The following DDX39A variants were observed in gnomAD, a reference collection of about 807,000 sequenced individuals.
DDX39A encodes the protein DExD-box helicase 39A.
Under a neutral mutation model 46.3 loss-of-function variants are expected in DDX39A, and 13 were observed. The ratio of observed to expected loss-of-function variants is 0.28; its 90% CI spans 0.18 to 0.45. The LOEUF (loss-of-function observed/expected upper bound fraction) is 0.45, where lower values mean the gene tolerates loss of function less well. DDX39A is among the 20% of genes least tolerant of loss of function. The probability of loss-of-function intolerance (pLI) is 1.00; values close to 1 mark genes in which losing one functional copy is unlikely to be tolerated. For missense variants in DDX39A, 352 were observed against 581.8 expected (o/e 0.61, Z 4.06); for synonymous variants, 234 against 224.6 (o/e 1.04, Z -0.38).
In DDX39A at chr19:14,410,362, G is replaced by A; in HGVS notation, c.614-28C>T. ...AGGTGGGGAGGGCAAGACATGGGTGGGCATGAGCGTCTGCCATGCAGGACC... is the reference window on the plus strand; with the variant it reads ...AGGTGGGGAGGGCAAGACATGGGTGAGCATGAGCGTCTGCCATGCAGGACC... On this transcript the variant is annotated intron_variant, in intron 5 of 10. Coordinates refer to ENST00000242776, the MANE Select transcript of DDX39A (RefSeq NM_005804.4). The surrounding 1 kb of genome is among the most constrained non-coding windows in gnomAD (Gnocchi z 4.3). 9 of 1,595,714 alleles carry A rather than the reference G, an allele frequency of 5.6e-6. No homozygotes were observed. The highest frequency in any genetic ancestry group is 7.7e-6 in the Non-Finnish European group (9 of 1,163,762).
intron 1 of DDX39A, chr19:14,419,051 G>A (rs1439983694): frequency 4.4e-6 from 2 of 451,100 alleles, no homozygotes; most frequent in South Asian, 3.1e-5. Flanking sequence ...CGGGCCCCGA[G>A]CCCCGAGCAC....
chr19:14,411,494 C>T lies in DDX39A; in HGVS notation c.429+12G>A, dbSNP rs766065577. On this transcript the variant is annotated intron_variant, in intron 4 of 10. Transcript: ENST00000242776. The surrounding 1 kb of genome is among the most constrained non-coding windows in gnomAD (Gnocchi z 4.1). Reference sequence around the variant, plus strand: ...AAGTGGCGCCTGGTCCAGTCTGGCCCGAGGGACTCACCTTGACGCTGGGCA... The same window carrying T: ...AAGTGGCGCCTGGTCCAGTCTGGCCTGAGGGACTCACCTTGACGCTGGGCA... The T allele has an allele frequency of 1.2e-5, 20 of 1,612,862 alleles. No homozygotes were observed. Among genetic ancestry groups the T allele is most frequent in the East Asian group, 8.9e-5 (4 of 44,882 alleles).
intron 1 of DDX39A, among the ~76,000 whole-genome samples, chr19:14,414,574 C>T (rs1326370154): frequency 6.8e-6 from 1 of 146,066 alleles, no homozygotes; most frequent in African/African-American, 2.5e-5. Flanking sequence ...TGGTCTCAAA[C>T]TCCTGACCTC....
Position 14,413,090 on chromosome 19 carries a change from G to C in DDX39A, c.131C>G (p.Ser44Cys). The change falls in exon 2 of 11, where the codon TCT (serine) becomes TGT (cysteine). Residue 44 changes from serine (S) to cysteine (C), a missense_variant. Physicochemically the swap from Ser to Cys is moderately radical, Grantham distance 112. Around this residue, in one of 3 missense-constraint regions of DDX39A, gnomAD observed 46 missense variants for 78.2 expected, o/e 0.59. Coordinates refer to ENST00000242776, the MANE Select transcript of DDX39A (RefSeq NM_005804.4). Reference sequence around the variant, plus strand: ...CTTCAGCAGAAAGTCCCGGAAGCCAGAGCTGTGGATGGAAACGTAGGATCC... The same window carrying C: ...CTTCAGCAGAAAGTCCCGGAAGCCACAGCTGTGGATGGAAACGTAGGATCC... ...IKGSYVSIHS[S>C]GFRDFLLKPE... is the part of the protein sequence containing the mutation. 2 of 1,614,204 alleles carry C rather than the reference G, an allele frequency of 1.2e-6. No individual in the cohort carries two copies. Among genetic ancestry groups the C allele is most frequent in the Non-Finnish European group, 1.7e-6 (2 of 1,180,034 alleles).
In DDX39A at chr19:14,411,975, C is replaced by T. The variant is rs569664093; in HGVS notation, c.337-377G>A. Among the ~76,000 whole-genome samples, 1 of 152,294 alleles carries T rather than the reference C, an allele frequency of 6.6e-6. No individual in the cohort carries two copies. The highest frequency in any genetic ancestry group is 1.9e-4 in the East Asian group (1 of 5,182). ...CCCACCCGTGCCATCAGACACTGGA[C>T]CACACCACAGCCCTCCACAGCACCT... On this transcript the variant is annotated intron_variant, in intron 3 of 10. Coordinates refer to ENST00000242776, the MANE Select transcript of DDX39A (RefSeq NM_005804.4). This position sits in a 1 kb window ranked among gnomAD's most constrained non-coding sequence, Gnocchi z 4.1.
chr19:14,419,008 A>C (rs1014755177), intron 1 of DDX39A: 1 of 456,124 alleles, frequency 2.2e-6, no homozygotes, highest in Admixed American at 2.3e-5. Context: ...TGGGGCTCGG[A>C]GCGCCGTAGG....
At chr19:14,415,581 G>C (rs1463200960) in intron 1 of DDX39A, among the ~76,000 whole-genome samples, 7 of 151,906 alleles carry the variant, frequency 4.6e-5, no homozygotes, top group Admixed American at 4.6e-4. Flanking sequence ...ACAGGTGTGA[G>C]CCACCACACC....
chr19:14,417,194 A>C (rs182720516), intron 1 of DDX39A, among the ~76,000 whole-genome samples: 117 of 152,296 alleles, frequency 7.7e-4, no homozygotes, highest in African/African-American at 2.7e-3. Context: ...GGACATGCCA[A>C]AAGACAGGAA....
intron 1 of DDX39A, among the ~76,000 whole-genome samples, chr19:14,414,936 TAAA>T (rs1006829482): frequency 6.9e-5 from 5 of 72,798 alleles, no homozygotes; most frequent in Admixed American, 1.7e-4. Context: ...CACTCCAGCC[TAAA>T]AAAAAAAAAA....
In DDX39A at chr19:14,410,488, C is replaced by CCTGAGGGG; in HGVS notation, c.614-162_614-155dup. The CCTGAGGGG allele has an allele frequency of 1.5e-6, 1 of 675,502 alleles. No individual in the cohort carries two copies. 41.8% of individuals were successfully genotyped at this position (675,502 alleles called of 1,614,324 possible). On this transcript the variant is annotated intron_variant, in intron 5 of 10. Coordinates refer to ENST00000242776, the MANE Select transcript of DDX39A (RefSeq NM_005804.4). This position sits in a 1 kb window ranked among gnomAD's most constrained non-coding sequence, Gnocchi z 4.3. The stretch of plus-strand genomic sequence containing the variant: ...GCCGCGGGAGTGGCCAGTCCTGGTG[C>CCTGAGGGG]CTGAGGGGCTGGGGGGTGGCCAGCG...
Position 14,412,332 on chromosome 19 carries a change from A to C in DDX39A, c.336+219T>G. On this transcript the variant is annotated intron_variant, in intron 3 of 10. Transcript: ENST00000242776. This position sits in a 1 kb window ranked among gnomAD's most constrained non-coding sequence, Gnocchi z 4.4. ...ATTGGCAATTTCTAATTTTTGTTAT[A>C]ACTAATTATTTTTTGAGATGGAGTC... 1 of 504,482 alleles carries C rather than the reference A, an allele frequency of 2.0e-6. No homozygotes were observed. Among genetic ancestry groups the C allele is most frequent in the Non-Finnish European group, 3.4e-6 (1 of 296,618 alleles). 31.3% of individuals were successfully genotyped at this position (504,482 alleles called of 1,614,324 possible). A position where few individuals can be genotyped will look rare whatever the true frequency, so the allele number is the denominator to read the frequency against.
At position 14,412,215 on chromosome 19, in the gene DDX39A, T is replaced by C. The variant is rs1236712255; in HGVS notation, c.336+336A>G. On this transcript the variant is annotated intron_variant, in intron 3 of 10. Transcript: ENST00000242776. The surrounding 1 kb of genome is among the most constrained non-coding windows in gnomAD (Gnocchi z 4.4). ...TTCGGGGCAACCCAACCTTCACAGA[T>C]GGACACTCTCTAGGTAAGTGGCACG... 3.5e-6 allele frequency: 1 copy of C among 284,244 alleles called. No homozygotes were observed. The highest frequency in any genetic ancestry group is 6.8e-6 in the Non-Finnish European group (1 of 147,298). 17.6% of individuals were successfully genotyped at this position (284,244 alleles called of 1,614,324 possible). A position where few individuals can be genotyped will look rare whatever the true frequency, so the allele number is the denominator to read the frequency against.
In DDX39A at chr19:14,412,720, A is replaced by AC. The variant is rs1351525905; in HGVS notation, c.209-43dup. 1.9e-6 allele frequency: 3 copies of AC among 1,570,492 alleles called. No individual in the cohort carries two copies. Among genetic ancestry groups the AC allele is most frequent in the Non-Finnish European group, 2.6e-6 (3 of 1,162,412 alleles). On this transcript the variant is annotated intron_variant, in intron 2 of 10. Coordinates refer to ENST00000242776, the MANE Select transcript of DDX39A (RefSeq NM_005804.4). This position sits in a 1 kb window ranked among gnomAD's most constrained non-coding sequence, Gnocchi z 4.4. ...GCGTGAGGGACGAGAACCTGGATGC[A>AC]CCCCCGTGCAGGATCCTCACCAGTT...
intron 1 of DDX39A, among the ~76,000 whole-genome samples, chr19:14,416,633 G>A (rs1976819790): frequency 6.6e-6 from 1 of 152,208 alleles, no homozygotes; most frequent in African/African-American, 2.4e-5. Flanking sequence ...TGGCGTCAGG[G>A]CAGAAGACAA....
chr19:14,411,363 G>A lies in DDX39A; in HGVS notation c.429+143C>T, dbSNP rs1976583463. 9.8e-7 allele frequency: 1 copy of A among 1,020,974 alleles called. No individual in the cohort carries two copies. The allele number at this position is 1,020,974 out of a possible 1,614,324, so 63.2% of individuals were successfully genotyped here. A position where few individuals can be genotyped will look rare whatever the true frequency, so the allele number is the denominator to read the frequency against. ...CTGGGAGCCATGCATAATTCATCAG[G>A]CTTTTAAGGAGCAAAAACCACCGCA... On this transcript the variant is annotated intron_variant, in intron 4 of 10. Transcript: ENST00000242776. The surrounding 1 kb of genome is among the most constrained non-coding windows in gnomAD (Gnocchi z 4.1).
Position 14,409,977 on chromosome 19 carries a change from A to G in DDX39A, c.733-104T>C. ...GACTCCTTTGTGCGACACTTCCCAG[A>G]GGACCTGCTGCACCAGACCTCAGTA... On this transcript the variant is annotated intron_variant, in intron 6 of 10. Transcript: ENST00000242776. This position sits in a 1 kb window ranked among gnomAD's most constrained non-coding sequence, Gnocchi z 8.3. 7.0e-7 allele frequency: 1 copy of G among 1,426,060 alleles called. No individual in the cohort carries two copies. The highest frequency in any genetic ancestry group is 9.8e-7 in the Non-Finnish European group (1 of 1,019,870). The allele number at this position is 1,426,060 out of a possible 1,614,324, so 88.3% of individuals were successfully genotyped here.
rs1976640716 is a variant in DDX39A at position 14,412,691 on chromosome 19, C to G, written c.209-13G>C. The G allele has an allele frequency of 6.3e-7, 1 of 1,597,090 alleles. No individual in the cohort carries two copies. Among genetic ancestry groups the G allele is most frequent in the South Asian group, 1.1e-5 (1 of 90,354 alleles). On this transcript the variant is annotated splice_polypyrimidine_tract_variant and intron_variant, in intron 2 of 10. Transcript: ENST00000242776. This position sits in a 1 kb window ranked among gnomAD's most constrained non-coding sequence, Gnocchi z 4.4. The stretch of plus-strand genomic sequence containing the variant: ...CACTCATGCTGGACTGCAGGAGAAG[C>G]AGAGCGTGAGGGACGAGAACCTGGA...
intron 1 of DDX39A, among the ~76,000 whole-genome samples, chr19:14,415,449 G>A (rs1017969274): frequency 6.6e-6 from 1 of 151,852 alleles, no homozygotes; most frequent in Non-Finnish European, 1.5e-5. Flanking sequence ...AGCTACATGC[G>A]CCCGCCACCA....
At position 14,410,799 on chromosome 19, in the gene DDX39A, G is replaced by A; in HGVS notation, c.613+190C>T. On this transcript the variant is annotated intron_variant, in intron 5 of 10. Transcript: ENST00000242776. The surrounding 1 kb of genome is among the most constrained non-coding windows in gnomAD (Gnocchi z 4.3). ...CCAGGAGGGACGGGGGCTTGCTTGGGCCCCGTGGTCCCATTCGGCTCGGGC... is the reference window on the plus strand; with the variant it reads ...CCAGGAGGGACGGGGGCTTGCTTGGACCCCGTGGTCCCATTCGGCTCGGGC... 1 of 570,530 alleles carries A rather than the reference G, an allele frequency of 1.8e-6. No homozygotes were observed. Among genetic ancestry groups the A allele is most frequent in the Non-Finnish European group, 3.0e-6 (1 of 329,576 alleles). 35.3% of individuals were successfully genotyped at this position (570,530 alleles called of 1,614,324 possible).
Sources: allele counts gnomAD v4.1 joint callset (sites outside exome capture counted in the v4.1 genomes callset), GRCh38; gene constraint gnomAD v4.1.1; regional missense constraint gnomAD v4.1.1; non-coding constraint Gnocchi (gnomAD v3.1); transcripts MANE v1.5; gene names NCBI Gene and HGNC (gene_info 2026-07-23, HGNC 2026-07-21).